SLC4A8: variants seen among roughly 807,000 people sequenced by gnomAD.
The protein encoded by SLC4A8 is electroneutral sodium bicarbonate exchanger 1.
A neutral mutation model predicts 125.0 loss-of-function variants in SLC4A8; 40 were observed. The observed-to-expected ratio is 0.32, with a 90% CI of 0.25 to 0.42. SLC4A8 has a LOEUF of 0.42. Among genes scored for constraint, SLC4A8 ranks in the 10% least tolerant of loss-of-function variants. The pLI, the probability that SLC4A8 is intolerant of heterozygous loss-of-function variation, is 1.00. For missense variants in SLC4A8, 863 were observed against 1,355.1 expected, an observed-to-expected ratio of 0.64 and a Z score of 5.70; for synonymous variants, 456 against 476.0, an observed-to-expected ratio of 0.96 and a Z score of 0.55.
At position 51,485,840 on chromosome 12, in the gene SLC4A8, G is replaced by A. The variant is rs1463878305; in HGVS notation, c.2226G>A (p.Val742=). ...TTTTCCTCACTATCTTCACAATGGT[G>A]ATTATTGATTTTTTGATTGGAGTCC... The part of the protein sequence containing the change: ...FAVFLTIFTM[V]IIDFLIGVPS... The change falls in exon 17 of 25, where the codon GTG becomes GTA. Residue 742 remains valine (V), a synonymous_variant. Coordinates refer to ENST00000453097, the MANE Select transcript of SLC4A8 (RefSeq NM_001039960.3). The A allele has an allele frequency of 6.2e-7, 1 of 1,613,686 alleles. No individual in the cohort carries two copies. The highest frequency in any genetic ancestry group is 8.5e-7 in the Non-Finnish European group (1 of 1,179,728).
intron 5 of SLC4A8, 57 bp downstream of exon 5, chr12:51,453,756 A>G (rs1950040385): frequency 6.6e-7 from 1 of 1,525,774 alleles, no homozygotes; most frequent in Admixed American, 1.7e-5. Context: ...GAAGTGTGGG[A>G]AAAAAGGAGT....
chr12:51,433,986 C>T (rs1949314535), intron 1 of SLC4A8, among the ~76,000 whole-genome samples: 1 of 151,702 alleles, frequency 6.6e-6, no homozygotes, highest in African/African-American at 2.4e-5. Context: ...GCAATTCTTC[C>T]ACCTGAGCCT....
intron 11 of SLC4A8, among the ~76,000 whole-genome samples, chr12:51,466,975 G>A (rs11169846): frequency 6.6e-6 from 1 of 151,878 alleles, no homozygotes; most frequent in African/African-American, 2.4e-5. Flanking sequence ...GTGTATGTGT[G>A]TATGTGTGTG....
At chr12:51,421,673 T>C (rs1438089096), upstream of SLC4A8, among the ~76,000 whole-genome samples, 1 of 152,200 alleles carries the variant, frequency 6.6e-6, no homozygotes, top group Non-Finnish European at 1.5e-5. Flanking sequence ...CATCCTCGGC[T>C]CCTGAATTAC....
chr12:51,425,110 T>G, intron 1 of SLC4A8, 75 bp downstream of exon 1: 1 of 1,501,680 alleles, frequency 6.7e-7, no homozygotes, highest in Non-Finnish European at 8.9e-7. Context: ...CCCTCCTTCC[T>G]TCTGCCCCCG....
At chr12:51,448,030 T>A (rs1718406136) in intron 2 of SLC4A8, among the ~76,000 whole-genome samples, 1 of 152,232 alleles carries the variant, frequency 6.6e-6, no homozygotes, top group African/African-American at 2.4e-5. Context: ...GGATTTCCAC[T>A]TTTTATTTCT....
chr12:51,451,160 A>C, intron 3 of SLC4A8, 138 bp downstream of exon 3: 1 of 833,868 alleles, frequency 1.2e-6, no homozygotes, highest in Non-Finnish European at 1.7e-6. Flanking sequence ...TTCTAAGAAG[A>C]AATGCCTCTA....
At chr12:51,411,653 C>T (rs1948600526) in intron 1 of SLC4A8, among the ~76,000 whole-genome samples, 1 of 151,996 alleles carries the variant, frequency 6.6e-6, no homozygotes, top group Non-Finnish European at 1.5e-5. Flanking sequence ...GAGTTGGGTA[C>T]TTAATTCATT....
chr12:51,493,501 CA>C (rs1851337603), intron 19 of SLC4A8, among the ~76,000 whole-genome samples: 1 of 152,122 alleles, frequency 6.6e-6, no homozygotes. Context: ...CATTTCATTT[CA>C]GAACCAAATG....
chr12:51,463,836 CT>C, intron 11 of SLC4A8, 122 bp downstream of exon 11: 1 of 641,156 alleles, frequency 1.6e-6, no homozygotes, highest in Non-Finnish European at 2.8e-6. Context: ...TGAAGAATGA[CT>C]TTTCAAATGG....
At chr12:51,416,378 C>T (rs1348280061) in intron 1 of SLC4A8, among the ~76,000 whole-genome samples, 1 of 152,150 alleles carries the variant, frequency 6.6e-6, no homozygotes, top group Non-Finnish European at 1.5e-5. Context: ...CACGGCGGCT[C>T]TTGCCTGTAA....
At position 51,511,544 on chromosome 12, in the gene SLC4A8, C is replaced by G. The variant is rs915641263; in HGVS notation, c.*4106C>G. Reference sequence around the variant, plus strand: ...AGCTAGGATTACAGGTGCGCACCACCATGCCCAGCTAATTTTTGTATTTTA... The same window carrying G: ...AGCTAGGATTACAGGTGCGCACCACGATGCCCAGCTAATTTTTGTATTTTA... On this transcript the variant is annotated 3_prime_UTR_variant, in exon 25 of 25. Transcript: ENST00000453097. 2 of 152,196 alleles carry G rather than the reference C, an allele frequency of 1.3e-5. No homozygotes were observed. The highest frequency in any genetic ancestry group is 2.9e-5 in the Non-Finnish European group (2 of 68,086). 9.4% of individuals were successfully genotyped at this position (152,196 alleles called of 1,614,324 possible).
intron 1 of SLC4A8, among the ~76,000 whole-genome samples, chr12:51,409,265 T>C (rs1948552373): frequency 6.6e-6 from 1 of 152,214 alleles, no homozygotes; most frequent in African/African-American, 2.4e-5. Context: ...TTTGTGCTAC[T>C]CAGTAGTATT....
At chr12:51,478,076 C>T (rs1950907231) in intron 16 of SLC4A8, among the ~76,000 whole-genome samples, 1 of 152,010 alleles carries the variant, frequency 6.6e-6, no homozygotes, top group Admixed American at 6.6e-5. Context: ...GAGATCGAGA[C>T]CATCCTGGCT....
chr12:51,413,606 T>C (rs1948632081), intron 1 of SLC4A8, among the ~76,000 whole-genome samples: 1 of 152,176 alleles, frequency 6.6e-6, no homozygotes, highest in Admixed American at 6.6e-5. Context: ...TGGTAAAAGA[T>C]AGGGTCCAGT....
chr12:51,483,051 T>C (rs1168298497), intron 16 of SLC4A8, among the ~76,000 whole-genome samples: 1 of 152,154 alleles, frequency 6.6e-6, no homozygotes, highest in Non-Finnish European at 1.5e-5. Flanking sequence ...TCTTTTGTGG[T>C]TCCCCCCACC....
upstream of SLC4A8, among the ~76,000 whole-genome samples, chr12:51,421,098 T>C (rs938399841): frequency 2.6e-5 from 4 of 152,216 alleles, no homozygotes; most frequent in Non-Finnish European, 5.9e-5. Flanking sequence ...TATGCCTCTT[T>C]CTGGGCTGAC....
intron 7 of SLC4A8, among the ~76,000 whole-genome samples, chr12:51,459,341 G>C (rs1402294807): frequency 6.6e-6 from 1 of 152,166 alleles, no homozygotes; most frequent in Admixed American, 6.5e-5. Flanking sequence ...AAGCTTGGGG[G>C]AATGGGATTG....
chr12:51,419,840 A>G (rs899690148), upstream of SLC4A8, among the ~76,000 whole-genome samples: 3 of 152,168 alleles, frequency 2.0e-5, no homozygotes, highest in African/African-American at 7.2e-5. Flanking sequence ...GGTGTAACGA[A>G]GTTCTGTGGA....
Sources: gnomAD v4.1 joint callset for allele counts (sites outside exome capture counted in the v4.1 genomes callset) on GRCh38, gnomAD v4.1.1 for gene constraint, MANE v1.5 for transcripts, NCBI Gene and HGNC (gene_info 2026-07-23, HGNC 2026-07-21) for gene names.